RYR3: variants seen among roughly 807,000 people sequenced by gnomAD.
The protein encoded by RYR3 is brain ryanodine receptor-calcium release channel.
Under a neutral mutation model 584.3 loss-of-function variants are expected in RYR3, and 207 were observed. That is an observed-to-expected ratio of 0.35 (90% CI 0.32 to 0.40). The LOEUF (loss-of-function observed/expected upper bound fraction) is 0.40. RYR3 is among the 10% of genes least tolerant of loss of function. The probability of loss-of-function intolerance (pLI) is 1.00; values close to 1 mark genes in which losing one functional copy is unlikely to be tolerated. For synonymous variants in RYR3, 2,416 were observed against 2,248.5 expected, an observed-to-expected ratio of 1.07 and a Z score of -2.11; for missense variants, 5,616 against 6,089.2, an observed-to-expected ratio of 0.92 and a Z score of 2.59.
At chr15:33,794,349 AT>A (rs1281493530) in intron 67 of RYR3, among the ~76,000 whole-genome samples, 1 of 102,474 alleles carries the variant, frequency 9.8e-6, no homozygotes, top group African/African-American at 3.6e-5. Flanking sequence ...ATATATAAAA[AT>A]ATATATATAT....
intron 67 of RYR3, among the ~76,000 whole-genome samples, chr15:33,795,970 AG>A (rs1483267894): frequency 6.6e-6 from 1 of 152,216 alleles, no homozygotes; most frequent in East Asian, 1.9e-4. Flanking sequence ...GAAGGGAGTT[AG>A]GGTAAATCCC....
intron 69 of RYR3, among the ~76,000 whole-genome samples, chr15:33,804,712 T>C (rs1567205787): frequency 6.6e-6 from 1 of 152,220 alleles, no homozygotes; most frequent in Non-Finnish European, 1.5e-5. Context: ...GCAGGAGTAT[T>C]CTTCCTTATC....
At chr15:33,571,827 A>G (rs1240292613) in intron 12 of RYR3, among the ~76,000 whole-genome samples, 1 of 152,084 alleles carries the variant, frequency 6.6e-6, no homozygotes, top group Non-Finnish European at 1.5e-5. Context: ...TATGTCTGCC[A>G]CTTTGCTATT....
chr15:33,471,456 C>T (rs2048920842), intron 1 of RYR3, among the ~76,000 whole-genome samples: 1 of 151,750 alleles, frequency 6.6e-6, no homozygotes, highest in South Asian at 2.1e-4. Context: ...TTAGGGAGAC[C>T]CCAAGGCAGC....
intron 8 of RYR3, among the ~76,000 whole-genome samples, chr15:33,546,335 C>G (rs1469897828): frequency 6.6e-6 from 1 of 152,126 alleles, no homozygotes; most frequent in Non-Finnish European, 1.5e-5. Flanking sequence ...AGAATCTTAG[C>G]AAATTTTCCT....
chr15:33,402,427 T>C (rs777190450), intron 1 of RYR3, among the ~76,000 whole-genome samples: 90 of 152,356 alleles, frequency 5.9e-4, no homozygotes, highest in Non-Finnish European at 9.8e-4. Context: ...GAGGCTTTCA[T>C]AAACCAGTTG....
chr15:33,837,109 G>A, intron 88 of RYR3, 122 bp downstream of exon 88: 1 of 770,718 alleles, frequency 1.3e-6, no homozygotes, highest in South Asian at 2.1e-5. Context: ...TGGTCAGAAA[G>A]CCAAATTTTC....
At chr15:33,733,914 C>G (rs2069174638) in intron 48 of RYR3, among the ~76,000 whole-genome samples, 1 of 152,112 alleles carries the variant, frequency 6.6e-6, no homozygotes, top group African/African-American at 2.4e-5. Context: ...AAGCCTGTTA[C>G]AAAACAGTTT....
At chr15:33,645,241 C>A (rs945329880) in intron 28 of RYR3, among the ~76,000 whole-genome samples, 2 of 152,130 alleles carry the variant, frequency 1.3e-5, no homozygotes, top group African/African-American at 4.8e-5. Flanking sequence ...AGGAGCCTAA[C>A]TTTAGTTCTG....
At chr15:33,482,507 C>G (rs1300278811) in intron 2 of RYR3, among the ~76,000 whole-genome samples, 1 of 152,146 alleles carries the variant, frequency 6.6e-6, no homozygotes, top group South Asian at 2.1e-4. Context: ...GCAACCTCCC[C>G]CTCCCAGGTT....
In RYR3 at chr15:33,417,312, A is replaced by G. The variant is rs114852259; in HGVS notation, c.52-56107A>G. 8.8e-3 allele frequency among the ~76,000 whole-genome samples: 1,333 copies of G among 152,260 alleles called. 20 individuals are homozygous for G. Among genetic ancestry groups the G allele is most frequent in the African/African-American group, 0.03 (1,255 of 41,546 alleles). On this transcript the variant is annotated intron_variant, in intron 1 of 103. Coordinates refer to ENST00000634891, the MANE Select transcript of RYR3 (RefSeq NM_001036.6). ...CATTTTAATGATATTGATTCTTCCT[A>G]TTCATGAGCATGGAATGTCTCTCCA...
chr15:33,625,059 G>T (rs1489124445), intron 20 of RYR3, among the ~76,000 whole-genome samples: 1 of 152,176 alleles, frequency 6.6e-6, no homozygotes, highest in Non-Finnish European at 1.5e-5. Flanking sequence ...AAAGAAAAGA[G>T]GTTTAGTTGA....
chr15:33,830,733 T>A (rs921906281), intron 85 of RYR3: 1 of 376,966 alleles, frequency 2.7e-6, no homozygotes, highest in Non-Finnish European at 4.7e-6. Flanking sequence ...GTCTCCAAGT[T>A]CCAGCTGAAG....
intron 16 of RYR3, among the ~76,000 whole-genome samples, chr15:33,594,071 A>G (rs2059261384): frequency 6.6e-6 from 1 of 152,174 alleles, no homozygotes; most frequent in Admixed American, 6.5e-5. Context: ...GGAGGGTCCA[A>G]GATAAACCTG....
chr15:33,656,700 G>A (rs930672191), intron 32 of RYR3, among the ~76,000 whole-genome samples: 3 of 152,154 alleles, frequency 2.0e-5, no homozygotes, highest in Non-Finnish European at 4.4e-5. Flanking sequence ...TTGAGATTAT[G>A]GGTCTTAGGT....
rs545564998 is a variant in RYR3, at chr15:33,654,645, T to C, written c.4308+1762T>C. 8.5e-5 allele frequency among the ~76,000 whole-genome samples: 13 copies of C among 152,164 alleles called. No homozygotes were observed. In the South Asian group the frequency reaches 2.5e-3, roughly 29 times the overall value. On this transcript the variant is annotated intron_variant, in intron 32 of 103. Coordinates refer to ENST00000634891, the MANE Select transcript of RYR3 (RefSeq NM_001036.6). ...TGGACAACATCGCATAGGGCTCTTATGGTTATTGGTAAGAAATTTGTTTGG... is the reference window on the plus strand; with the variant it reads ...TGGACAACATCGCATAGGGCTCTTACGGTTATTGGTAAGAAATTTGTTTGG...
rs1223157579 is a variant in RYR3 at position 33,860,671 on chromosome 15, C to CGA, written c.14364+12_14364+13insGA. The CGA allele has an allele frequency of 2.6e-6, 4 of 1,551,634 alleles. No individual in the cohort carries two copies. In the Admixed American group the frequency reaches 5.4e-5, roughly 21 times the overall value. Reference sequence around the variant, plus strand: ...GAGAAGATATGGAGGTAATGTTACTCTAACTACTAATCCCAGCTCTATTTT... The same window carrying CGA: ...GAGAAGATATGGAGGTAATGTTACTCGATAACTACTAATCCCAGCTCTATTTT... On this transcript the variant is annotated intron_variant, in intron 101 of 103. Transcript: ENST00000634891.
intron 60 of RYR3, among the ~76,000 whole-genome samples, chr15:33,759,872 T>C (rs1462180943): frequency 6.6e-6 from 1 of 151,826 alleles, no homozygotes; most frequent in African/African-American, 2.4e-5. Flanking sequence ...AAGGAAAAAA[T>C]GTTAAGGGCA....
chr15:33,743,425 A>G (rs1056820720), intron 52 of RYR3, among the ~76,000 whole-genome samples: 3 of 152,240 alleles, frequency 2.0e-5, no homozygotes, highest in Non-Finnish European at 4.4e-5. Context: ...CCGTTGCGGC[A>G]CAAAAGTAGC....
Sources: gnomAD v4.1 joint callset for allele counts (sites outside exome capture counted in the v4.1 genomes callset) on GRCh38, gnomAD v4.1.1 for gene constraint, MANE v1.5 for transcripts, NCBI Gene and HGNC (gene_info 2026-07-23, HGNC 2026-07-21) for gene names.